The following CES1 variants were observed in gnomAD, a reference collection of about 807,000 sequenced individuals.
CES1 encodes carboxylesterase 1.
Under a neutral mutation model 53.0 loss-of-function variants are expected in CES1, and 50 were observed. The observed-to-expected ratio is 0.94, with a 90% CI of 0.75 to 1.19. The LOEUF is 1.19. Among genes scored for constraint, CES1 ranks in the 50% most tolerant of loss-of-function variants. The pLI is 0.00. For synonymous variants in CES1, 202 were observed against 210.1 expected (o/e 0.96, Z 0.33); for missense variants, 534 against 538.0 (o/e 0.99, Z 0.07).
At chr16:55,823,017 T>C (rs528067269) in intron 4 of CES1, among the ~76,000 whole-genome samples, 1 of 152,100 alleles carries the variant, frequency 6.6e-6, no homozygotes, top group East Asian at 1.9e-4. Flanking sequence ...ACTTGCCAAA[T>C]TTCAAGCAGA....
Position 55,821,402 on chromosome 16 carries a change from C to T in CES1, c.659G>A (p.Gly220Glu), listed in dbSNP as rs2142337068. The T allele has an allele frequency of 6.2e-7, 1 of 1,614,218 alleles. No homozygotes were observed. The highest frequency in any genetic ancestry group is 1.1e-5 in the South Asian group (1 of 91,090). ...GACACTTTCTCCTCCCGCTGACTCT[C>T]CAAAGATGGTCACAGAGCCTGGGTT... Reference protein sequence around the residue: ...GGNPGSVTIFGESAGGESVSV... With the variant: ...GGNPGSVTIFEESAGGESVSV... Residue 220 changes from glycine (G) to glutamate (E), a missense_variant, in exon 5 of 14, where the codon GGA becomes GAA. Coordinates refer to ENST00000360526, the MANE Select transcript of CES1 (RefSeq NM_001025195.2).
chr16:55,817,921 T>C (rs2032015686), intron 7 of CES1, among the ~76,000 whole-genome samples: 1 of 152,226 alleles, frequency 6.6e-6, no homozygotes, highest in South Asian at 2.1e-4. Flanking sequence ...TTAAGCTGGG[T>C]CCTCTGATGC....
chr16:55,818,277 C>A (rs1299934632), intron 7 of CES1, among the ~76,000 whole-genome samples: 2 of 152,236 alleles, frequency 1.3e-5, no homozygotes, highest in Non-Finnish European at 2.9e-5. Flanking sequence ...GGCCATCCAA[C>A]AATCCTAAAG....
At chr16:55,829,751 C>T (rs530147561) in intron 1 of CES1, among the ~76,000 whole-genome samples, 4 of 152,324 alleles carry the variant, frequency 2.6e-5, no homozygotes, top group African/African-American at 9.6e-5. Context: ...GACAAATAAG[C>T]AGCAGGAACC....
At chr16:55,826,379 T>C (rs1220451105) in intron 2 of CES1, 84 bp from the exon 3 acceptor site, 1 of 1,520,360 alleles carries the variant, frequency 6.6e-7, no homozygotes, top group Admixed American at 1.7e-5. Flanking sequence ...GACTGGGAGG[T>C]TTAAGCCTGG....
At chr16:55,808,257 A>G (rs1301769204) in intron 11 of CES1, among the ~76,000 whole-genome samples, 1 of 147,664 alleles carries the variant, frequency 6.8e-6, no homozygotes, top group African/African-American at 2.6e-5. Context: ...TGCTGCCCAA[A>G]ACGTACTTTG....
At chr16:55,819,498 G>C (rs751380074) in intron 7 of CES1, 37 bp downstream of exon 7, 1 of 1,495,056 alleles carries the variant, frequency 6.7e-7, no homozygotes, top group Admixed American at 1.7e-5. Context: ...CTGGGACCAA[G>C]TTTACAGGGT....
intron 8 of CES1, among the ~76,000 whole-genome samples, chr16:55,814,394 TG>T (rs1472502364): frequency 1.3e-5 from 2 of 152,206 alleles, no homozygotes; most frequent in Non-Finnish European, 2.9e-5. Flanking sequence ...CGATAGAGCG[TG>T]GATGTTGCTA....
In CES1 at chr16:55,833,037, T is replaced by A; in HGVS notation, c.19A>T (p.Ile7Phe). MWLRAF[I>F]LATLSASAAW... ...GCGGAAGCAGAGAGAGTGGCCAGGATAAAGGCACGGAGCCACATCGTGGAA... is the reference window on the plus strand; with the variant it reads ...GCGGAAGCAGAGAGAGTGGCCAGGAAAAAGGCACGGAGCCACATCGTGGAA... Residue 7 changes from isoleucine (I) to phenylalanine (F), a missense_variant, in exon 1 of 14, where the codon ATC becomes TTC. Physicochemically the swap from Ile to Phe is conservative, Grantham distance 21 (BLOSUM62 0). This residue lies in a region of CES1 where 164 missense variants were observed against 162.4 expected (regional missense o/e 1.01). Transcript: ENST00000360526. 1 of 1,521,796 alleles carries A rather than the reference T, an allele frequency of 6.6e-7. No homozygotes were observed. The highest frequency in any genetic ancestry group is 8.9e-7 in the Non-Finnish European group (1 of 1,121,198). The allele number at this position is 1,521,796 out of a possible 1,614,324, so 94.3% of individuals were successfully genotyped here.
intron 8 of CES1, among the ~76,000 whole-genome samples, chr16:55,814,577 C>T (rs1368752884): frequency 6.6e-6 from 1 of 152,228 alleles, no homozygotes; most frequent in Non-Finnish European, 1.5e-5. Context: ...CACCTGGTGT[C>T]TGGAAAGGCT....
At chr16:55,817,286 A>G (rs1325352106) in intron 7 of CES1, among the ~76,000 whole-genome samples, 1 of 152,194 alleles carries the variant, frequency 6.6e-6, no homozygotes, top group Non-Finnish European at 1.5e-5. Flanking sequence ...AGTGAAGCCA[A>G]CACAGAGATG....
intron 9 of CES1, 127 bp downstream of exon 9, chr16:55,812,776 C>T (rs1458571837): frequency 7.4e-7 from 1 of 1,347,132 alleles, no homozygotes; most frequent in South Asian, 1.2e-5. Flanking sequence ...GAAATGTTAA[C>T]TCCTGCTGAA....
In CES1 at chr16:55,819,924, G is replaced by C. The variant is rs554225582; in HGVS notation, c.802-285C>G. On this transcript the variant is annotated intron_variant, in intron 6 of 13. Coordinates refer to ENST00000360526, the MANE Select transcript of CES1 (RefSeq NM_001025195.2). ...TGAATGTGTCAAGAAATGTGAGGTG[G>C]AGCTGGGATAGAGAGCATGGAATCC... The C allele has an allele frequency of 2.3e-5, 13 of 576,742 alleles. No individual in the cohort carries two copies. In the South Asian group the frequency reaches 2.5e-4, roughly 11 times the overall value. 35.7% of individuals were successfully genotyped at this position (576,742 alleles called of 1,614,324 possible).
In CES1 at chr16:55,821,408, A is replaced by T. The variant is rs1290443564; in HGVS notation, c.653T>A (p.Ile218Asn). Residue 218 changes from isoleucine to asparagine, a missense_variant, in exon 5 of 14, where the codon ATC (isoleucine) becomes AAC (asparagine). By Grantham distance (149) the Ile-to-Asn change is moderately radical. Coordinates refer to ENST00000360526, the MANE Select transcript of CES1 (RefSeq NM_001025195.2). ...SFGGNPGSVT[I>N]FGESAGGESV... is the part of the protein sequence containing the mutation. The stretch of plus-strand genomic sequence containing the variant: ...TTCTCCTCCCGCTGACTCTCCAAAG[A>T]TGGTCACAGAGCCTGGGTTCCCTCC... 9 of 1,614,056 alleles carry T rather than the reference A, an allele frequency of 5.6e-6. No individual in the cohort carries two copies. The Admixed American group carries it at 6.7e-5, about 12-fold the overall frequency.
chr16:55,822,961 T>A (rs2032263479), intron 4 of CES1, among the ~76,000 whole-genome samples: 2 of 152,194 alleles, frequency 1.3e-5, no homozygotes, highest in Middle Eastern at 3.4e-3. Context: ...ATCTGACTCC[T>A]GTCCCCATGG....
chr16:55,827,368 A>G (rs2142351092), intron 2 of CES1, among the ~76,000 whole-genome samples: 1 of 151,738 alleles, frequency 6.6e-6, no homozygotes, highest in South Asian at 2.1e-4. Context: ...TGCAAATTAA[A>G]GAGGAAAATA....
intron 3 of CES1, among the ~76,000 whole-genome samples, chr16:55,825,045 G>T (rs1203026801): frequency 3.9e-5 from 6 of 152,204 alleles, no homozygotes; most frequent in African/African-American, 1.4e-4. Context: ...GTGCTGAAGG[G>T]AGGATATGTC....
Position 55,826,295 on chromosome 16 carries a change from C to T in CES1, c.261G>A (p.Met87Ile), listed in dbSNP as rs2032416384. Residue 87 changes from methionine (M) to isoleucine (I), a missense_variant and splice_region_variant, in exon 3 of 14, where the codon ATG (methionine) becomes ATA (isoleucine). Transcript: ENST00000360526. Reference sequence around the variant, plus strand: ...GCCCCGCCTTGGGATCTTGGGTGCACCTGGGGAGGGGGAAAGAAGAACCCC... The same window carrying T: ...GCCCCGCCTTGGGATCTTGGGTGCATCTGGGGAGGGGGAAAGAAGAACCCC... ...FVKNATSYPP[M>I]CTQDPKAGQL... The T allele has an allele frequency of 1.9e-6, 3 of 1,613,892 alleles. No homozygotes were observed. The highest frequency in any genetic ancestry group is 2.5e-6 in the Non-Finnish European group (3 of 1,179,856).
At chr16:55,811,048 G>A (rs1164625014) in intron 9 of CES1, 38 bp from the exon 10 acceptor site, 2 of 1,507,072 alleles carry the variant, frequency 1.3e-6, no homozygotes, top group Non-Finnish European at 1.8e-6. Flanking sequence ...ATGAATCATT[G>A]GGAATTAATG....
Sources: gnomAD v4.1 joint callset for allele counts (sites outside exome capture counted in the v4.1 genomes callset) on GRCh38, gnomAD v4.1.1 for gene constraint, gnomAD v4.1.1 regional missense constraint, MANE v1.5 for transcripts, NCBI Gene and HGNC (gene_info 2026-07-23, HGNC 2026-07-21) for gene names.